MYH15: variants seen among roughly 807,000 people sequenced by gnomAD.
MYH15 encodes the protein myosin heavy chain 15.
A neutral mutation model predicts 240.5 loss-of-function variants in MYH15; 227 were observed. That is an observed-to-expected ratio of 0.94 (90% CI 0.85 to 1.05). MYH15 has a LOEUF of 1.05. Among genes scored for constraint, MYH15 ranks in the 50% least tolerant of loss-of-function variants. MYH15 has a pLI of 0.00. For synonymous variants in MYH15, 785 were observed against 796.7 expected (o/e 0.99, Z 0.25); for missense variants, 2,217 against 2,247.5 (o/e 0.99, Z 0.27).
chr3:108,399,601 T>C (rs1296905574), intron 33 of MYH15, among the ~76,000 whole-genome samples: 1 of 152,174 alleles, frequency 6.6e-6, no homozygotes, highest in African/African-American at 2.4e-5. Context: ...GGCAAGCACC[T>C]GGGTTTCCTG....
chr3:108,429,221 G>T (rs1032808565), intron 26 of MYH15, among the ~76,000 whole-genome samples: 1 of 152,106 alleles, frequency 6.6e-6, no homozygotes, highest in African/African-American at 2.4e-5. Flanking sequence ...AATTGGAATG[G>T]TAAATTTTAT....
At chr3:108,438,514 A>G (rs1048746872) in intron 24 of MYH15, among the ~76,000 whole-genome samples, 1 of 152,190 alleles carries the variant, frequency 6.6e-6, no homozygotes, top group Non-Finnish European at 1.5e-5. Flanking sequence ...AAGGATTCCA[A>G]ATTCATACGC....
chr3:108,463,429 C>G (rs2083088200), intron 15 of MYH15, among the ~76,000 whole-genome samples, 186 bp from the exon 16 acceptor site: 3 of 152,080 alleles, frequency 2.0e-5, no homozygotes. Flanking sequence ...ATCCTTCCCC[C>G]TCAGCCTCCA....
chr3:108,441,178 TC>T lies in MYH15; in HGVS notation c.2737del (p.Glu913SerfsTer12). 6.2e-7 allele frequency: 1 copy of T among 1,614,084 alleles called. No homozygotes were observed. Among genetic ancestry groups the T allele is most frequent in the Non-Finnish European group, 8.5e-7 (1 of 1,179,992 alleles). On this transcript the variant is annotated frameshift_variant, in exon 23 of 41. Coordinates refer to ENST00000693548, the MANE Select transcript of MYH15 (RefSeq NM_014981.3). LOFTEE classifies it high-confidence loss of function. ...SKIQLEARVK[E>X]LSERVEEEEE... is the part of the protein sequence containing the mutation. ...TTCTTCCTCCACCCTCTCCGACAGC[TC>T]CTTTACTCTGGCCTCCAGCTGGATC...
intron 10 of MYH15, among the ~76,000 whole-genome samples, 181 bp from the exon 11 acceptor site, chr3:108,485,410 A>G (rs74853969): frequency 0.014 from 2,131 of 152,292 alleles, 26 homozygotes; most frequent in Admixed American, 0.026. Context: ...TCATCCCTTT[A>G]AAAGAGAATT....
intron 28 of MYH15, among the ~76,000 whole-genome samples, chr3:108,420,865 A>G (rs2107554787): frequency 6.6e-6 from 1 of 152,206 alleles, no homozygotes; most frequent in East Asian, 1.9e-4. Flanking sequence ...ATAATTTTCT[A>G]CTTCTTGGAA....
chr3:108,414,426 G>C lies in MYH15; in HGVS notation c.3951C>G (p.Ser1317=). ...GCAGGGCATGGGCCAGGGCACTCTG[G>C]GACTGTAGGGGACACACATTAACAA... is the stretch of plus-strand genomic sequence containing the variant. The part of the protein sequence containing the change: ...LRGQLEKETK[S]QSALAHALQK... The change falls in exon 30 of 41, where the codon TCC becomes TCG. Residue 1317 remains serine, a splice_region_variant and synonymous_variant. Coordinates refer to ENST00000693548, the MANE Select transcript of MYH15 (RefSeq NM_014981.3). 1 of 1,611,650 alleles carries C rather than the reference G, an allele frequency of 6.2e-7. No homozygotes were observed. The highest frequency in any genetic ancestry group is 2.2e-5 in the East Asian group (1 of 44,850).
intron 37 of MYH15, 76 bp from the exon 38 acceptor site, chr3:108,389,150 T>C (rs1044414019): frequency 4.9e-5 from 64 of 1,294,902 alleles, no homozygotes; most frequent in Non-Finnish European, 6.8e-5. Context: ...GCACAATCAT[T>C]TGAAAGACAG....
chr3:108,418,085 T>C (rs1337804873), intron 28 of MYH15, among the ~76,000 whole-genome samples: 1 of 152,148 alleles, frequency 6.6e-6, no homozygotes, highest in African/African-American at 2.4e-5. Context: ...AAGTGACAGG[T>C]TTCCTTTGTT....
chr3:108,525,098 C>T (rs1038631278), intron 1 of MYH15, among the ~76,000 whole-genome samples: 13 of 152,132 alleles, frequency 8.5e-5, no homozygotes, highest in Non-Finnish European at 1.6e-4. Context: ...AAGTCTATTA[C>T]ATTGTCCTAA....
At chr3:108,497,960 G>A (rs17539094) in intron 6 of MYH15, 92 bp downstream of exon 6, 256,396 of 1,015,376 alleles carry the variant, frequency 0.25, 37,751 homozygotes, top group Non-Finnish European at 0.31. Context: ...GGTGCTTGTG[G>A]CCTCACTTCC....
chr3:108,422,220 CTTT>C (rs35897568), intron 27 of MYH15, among the ~76,000 whole-genome samples: 25 of 122,900 alleles, frequency 2.0e-4, no homozygotes, highest in Non-Finnish European at 2.7e-4. Flanking sequence ...TTTTTATTAT[CTTT>C]TTTTTTTTTT....
At chr3:108,498,000 T>C in intron 6 of MYH15, 52 bp downstream of exon 6, 1 of 1,504,242 alleles carries the variant, frequency 6.6e-7, no homozygotes, top group Non-Finnish European at 9.3e-7. Context: ...ACCTCCATGA[T>C]CCAGTGGATA....
chr3:108,402,184 C>A (rs1287570332), intron 33 of MYH15, among the ~76,000 whole-genome samples: 1 of 152,064 alleles, frequency 6.6e-6, no homozygotes, highest in African/African-American at 2.4e-5. Context: ...TATTTTGCTA[C>A]CATGTCTGAG....
intron 1 of MYH15, among the ~76,000 whole-genome samples, chr3:108,520,170 TAA>T (rs2083606697): frequency 6.6e-6 from 1 of 152,134 alleles, no homozygotes; most frequent in African/African-American, 2.4e-5. Flanking sequence ...GTATGATAAG[TAA>T]AAGACATACA....
rs570359637 is a variant in MYH15 at position 108,427,635 on chromosome 3, C to CACACACAG, written c.3702+856_3702+857insCTGTGTGT. 3.0e-3 allele frequency among the ~76,000 whole-genome samples: 438 copies of CACACACAG among 146,722 alleles called. 1 individual carries two copies. Among genetic ancestry groups the CACACACAG allele is most frequent in the Middle Eastern group, 0.01 (3 of 288 alleles). On this transcript the variant is annotated intron_variant, in intron 27 of 40. Coordinates refer to ENST00000693548, the MANE Select transcript of MYH15 (RefSeq NM_014981.3). Reference sequence around the variant, plus strand: ...CACACACAACACACACACACACACACAGAGAGAGAGAGAGAGAGAGAAAGA... The same window carrying CACACACAG: ...CACACACAACACACACACACACACACACACACAGAGAGAGAGAGAGAGAGAGAGAAAGA...
chr3:108,388,807 T>G (rs138167105), intron 38 of MYH15, among the ~76,000 whole-genome samples, 163 bp downstream of exon 38: 1 of 152,138 alleles, frequency 6.6e-6, no homozygotes, highest in Non-Finnish European at 1.5e-5. Flanking sequence ...AAACCACTAA[T>G]AGCACAGGAG....
chr3:108,480,803 A>T (rs913868987), intron 11 of MYH15, among the ~76,000 whole-genome samples: 1 of 152,204 alleles, frequency 6.6e-6, no homozygotes, highest in Admixed American at 6.5e-5. Flanking sequence ...ACTAGAAAAT[A>T]TGCAGCTGAG....
chr3:108,531,807 C>A (rs573192213), upstream of MYH15, among the ~76,000 whole-genome samples: 18 of 128,572 alleles, frequency 1.4e-4, no homozygotes, highest in East Asian at 6.6e-4. Flanking sequence ...TAAATAAATA[C>A]ATAAATAAAA....
Sources: gnomAD v4.1 joint callset for allele counts (sites outside exome capture counted in the v4.1 genomes callset) on GRCh38, gnomAD v4.1.1 for gene constraint, MANE v1.5 for transcripts, NCBI Gene and HGNC (gene_info 2026-07-23, HGNC 2026-07-21) for gene names.